The following PCDH9 variants were observed in gnomAD, a reference collection of about 807,000 sequenced individuals.
The protein encoded by PCDH9 is protocadherin-9.
A neutral mutation model predicts 70.6 loss-of-function variants in PCDH9; 24 were observed. The ratio of observed to expected loss-of-function variants is 0.34; its 90% CI spans 0.25 to 0.48. PCDH9 has a LOEUF of 0.48. PCDH9 is among the 20% of genes least tolerant of loss of function. The probability of loss-of-function intolerance (pLI) is 0.99; values close to 1 mark genes in which losing one functional copy is unlikely to be tolerated. For missense variants in PCDH9, 1,281 were observed against 1,503.6 expected, an observed-to-expected ratio of 0.85 and a Z score of 2.45; for synonymous variants, 562 against 558.5, an observed-to-expected ratio of 1.01 and a Z score of -0.09.
At chr13:66,480,400 G>C (rs2138507274) in intron 4 of PCDH9, among the ~76,000 whole-genome samples, 1 of 152,188 alleles carries the variant, frequency 6.6e-6, no homozygotes, top group East Asian at 1.9e-4. Context: ...CAAAATTCTA[G>C]AGTAGTACAT....
At position 66,937,335 on chromosome 13, in the gene PCDH9, A is replaced by G. The variant is rs554102643; in HGVS notation, c.3037-33730T>C. 3.3e-5 allele frequency among the ~76,000 whole-genome samples: 5 copies of G among 152,294 alleles called. No homozygotes were observed. In the East Asian group the frequency reaches 9.7e-4, roughly 29 times the overall value. On this transcript the variant is annotated intron_variant, in intron 2 of 4. Transcript: ENST00000377865. ...TCAACTTTCACATTCAGAAATTCTA[A>G]CTCTAAACCGCCTGTTCTTAGTTAT...
At chr13:66,642,451 C>T (rs1227525427) in intron 3 of PCDH9, among the ~76,000 whole-genome samples, 1 of 151,908 alleles carries the variant, frequency 6.6e-6, no homozygotes, top group African/African-American at 2.4e-5. Flanking sequence ...ATGAGAAAAA[C>T]ACATCCTGAA....
intron 2 of PCDH9, among the ~76,000 whole-genome samples, chr13:67,168,873 A>C (rs1326991314): frequency 6.6e-6 from 1 of 152,234 alleles, no homozygotes; most frequent in African/African-American, 2.4e-5. Flanking sequence ...GAAAAAGTTC[A>C]ACTTTTTCTG....
Position 66,832,644 on chromosome 13 carries a change from C to T in PCDH9, c.3138+70860G>A, listed in dbSNP as rs547674403. Among the ~76,000 whole-genome samples, 3 of 152,156 alleles carry T rather than the reference C, an allele frequency of 2.0e-5. No individual in the cohort carries two copies. The South Asian group carries it at 6.2e-4, about 32-fold the overall frequency. On this transcript the variant is annotated intron_variant, in intron 3 of 4. Coordinates refer to ENST00000377865, the MANE Select transcript of PCDH9 (RefSeq NM_203487.3). ...CATATGGGATGATACCATCTGGATA[C>T]ATTTAGGTTACAATGCATAAATGGC...
chr13:66,581,616 T>G (rs2076893100), intron 4 of PCDH9, among the ~76,000 whole-genome samples: 1 of 152,164 alleles, frequency 6.6e-6, no homozygotes, highest in East Asian at 1.9e-4. Context: ...AACAAAAAGT[T>G]TTCTTCATGA....
At chr13:67,006,200 C>A (rs941821267) in intron 2 of PCDH9, among the ~76,000 whole-genome samples, 1 of 152,120 alleles carries the variant, frequency 6.6e-6, no homozygotes, top group African/African-American at 2.4e-5. Context: ...GCACTCCAGC[C>A]TGGGCGACAG....
At chr13:66,487,663 T>C (rs1471645195) in intron 4 of PCDH9, among the ~76,000 whole-genome samples, 1 of 152,144 alleles carries the variant, frequency 6.6e-6, no homozygotes, top group African/African-American at 2.4e-5. Flanking sequence ...AATCAAAATA[T>C]TCTATCCCTA....
At chr13:66,654,326 T>TG in intron 3 of PCDH9, among the ~76,000 whole-genome samples, 1 of 152,022 alleles carries the variant, frequency 6.6e-6, no homozygotes, top group South Asian at 2.1e-4. Context: ...GTAAGGGTAG[T>TG]GGTGGGGGTG....
chr13:66,747,773 G>A (rs894079591), intron 3 of PCDH9, among the ~76,000 whole-genome samples: 7 of 152,086 alleles, frequency 4.6e-5, no homozygotes, highest in African/African-American at 1.7e-4. Context: ...ATTCACTGAA[G>A]CACACATATG....
intron 3 of PCDH9, among the ~76,000 whole-genome samples, chr13:66,717,480 A>AAAAATATATATATATATATAT (rs1566145314): frequency 2.3e-5 from 1 of 44,434 alleles, no homozygotes; most frequent in Non-Finnish European, 3.8e-5. Flanking sequence ...AAAAAAAAAA[A>AAAAATATATATATATATATAT]ATATATATAT....
intron 3 of PCDH9, among the ~76,000 whole-genome samples, chr13:66,829,342 A>G (rs746799629): frequency 5.9e-5 from 9 of 152,168 alleles, no homozygotes; most frequent in Non-Finnish European, 1.3e-4. Flanking sequence ...AAGCAGAACC[A>G]AAAGATTACA....
intron 2 of PCDH9, among the ~76,000 whole-genome samples, chr13:66,963,421 A>G (rs892829396): frequency 6.6e-6 from 1 of 152,246 alleles, no homozygotes; most frequent in African/African-American, 2.4e-5. Context: ...TCTCATTTCC[A>G]GCATTTCATA....
intron 4 of PCDH9, among the ~76,000 whole-genome samples, chr13:66,539,349 T>C (rs1037831247): frequency 6.6e-6 from 1 of 152,110 alleles, no homozygotes; most frequent in Non-Finnish European, 1.5e-5. Context: ...TTATGTGTCA[T>C]GGGAGGGACT....
Position 66,496,680 on chromosome 13 carries a change from T to C in PCDH9, c.3340+134530A>G, listed in dbSNP as rs542047731. Among the ~76,000 whole-genome samples, 12 of 152,312 alleles carry C rather than the reference T, an allele frequency of 7.9e-5. No individual in the cohort carries two copies. The South Asian group carries it at 2.3e-3, about 29-fold the overall frequency. ...TATGGAAACAATATGGAACATAATG[T>C]CAATAATTCCTCAGTCAGTTACAAT... On this transcript the variant is annotated intron_variant, in intron 4 of 4. Coordinates refer to ENST00000377865, the MANE Select transcript of PCDH9 (RefSeq NM_203487.3).
chr13:66,779,838 TC>T, intron 3 of PCDH9, among the ~76,000 whole-genome samples: 1 of 24,962 alleles, frequency 4.0e-5, no homozygotes, highest in Middle Eastern at 0.022. Flanking sequence ...TCTCTCTCTC[TC>T]TCTCTCTCTC....
intron 3 of PCDH9, among the ~76,000 whole-genome samples, chr13:66,731,846 A>G (rs1291987442): frequency 6.6e-6 from 1 of 152,042 alleles, no homozygotes; most frequent in African/African-American, 2.4e-5. Flanking sequence ...AGTATTTTGT[A>G]TCACTATTAA....
intron 2 of PCDH9, among the ~76,000 whole-genome samples, chr13:66,904,249 C>T (rs4884708): frequency 0.6 from 91,236 of 151,852 alleles, 27,960 homozygotes; most frequent in African/African-American, 0.74. Flanking sequence ...TGGAAATTGA[C>T]ATGAATTATA....
chr13:66,487,823 T>A (rs184238821), intron 4 of PCDH9, among the ~76,000 whole-genome samples: 10 of 152,304 alleles, frequency 6.6e-5, no homozygotes, highest in African/African-American at 2.2e-4. Flanking sequence ...TCAAGCCAGA[T>A]GCAATGAAGA....
chr13:67,009,756 T>C (rs983815136), intron 2 of PCDH9, among the ~76,000 whole-genome samples: 2 of 152,038 alleles, frequency 1.3e-5, no homozygotes, highest in Admixed American at 6.6e-5. Flanking sequence ...TTGCTACTAG[T>C]TCTCTTTTTA....
Sources: gnomAD v4.1 joint callset for allele counts (sites outside exome capture counted in the v4.1 genomes callset) on GRCh38, gnomAD v4.1.1 for gene constraint, MANE v1.5 for transcripts, NCBI Gene and HGNC (gene_info 2026-07-23, HGNC 2026-07-21) for gene names.